The following CDH18 variants were observed in gnomAD, a reference collection of about 807,000 sequenced individuals.
CDH18 encodes the protein cadherin-18.
Under a neutral mutation model 67.9 loss-of-function variants are expected in CDH18, and 31 were observed. The ratio of observed to expected loss-of-function variants is 0.46; its 90% confidence interval spans 0.34 to 0.62. The LOEUF is 0.62. Among genes scored for constraint, CDH18 ranks in the 20% least tolerant of loss-of-function variants. The pLI is 0.01. For synonymous variants in CDH18, 362 were observed against 347.2 expected, an observed-to-expected ratio of 1.04 and a Z score of -0.48; for missense variants, 890 against 975.5, an observed-to-expected ratio of 0.91 and a Z score of 1.17.
At chr5:19,948,896 A>C (rs1795522119) in intron 2 of CDH18, among the ~76,000 whole-genome samples, 1 of 152,202 alleles carries the variant, frequency 6.6e-6, no homozygotes, top group Non-Finnish European at 1.5e-5. Context: ...AACTCAAGCA[A>C]GTTAAGGAAA....
At position 20,480,413 on chromosome 5, in the gene CDH18, C is replaced by CTTTTTG. The variant is rs558444865; in HGVS notation, c.-580+95043_-580+95048dup. Among the ~76,000 whole-genome samples, 1,325 of 151,902 alleles carry CTTTTTG rather than the reference C, an allele frequency of 8.7e-3. 8 individuals carry two copies. The highest frequency in any genetic ancestry group is 0.016 in the Non-Finnish European group (1,057 of 67,894). ...GAGGAATTATGCTAAAGTGTAGAGT[C>CTTTTTG]TTTTTGTTTTTGTTTTTGTTTTTTG... On this transcript the variant is annotated intron_variant, in intron 1 of 14. Coordinates refer to the CDH18 transcript ENST00000507958.
intron 7 of CDH18, among the ~76,000 whole-genome samples, chr5:19,573,860 C>A (rs1332837218): frequency 2.0e-5 from 3 of 152,076 alleles, no homozygotes; most frequent in African/African-American, 7.2e-5. Flanking sequence ...AGTTTTAGAT[C>A]AATGTCTATA....
Position 19,689,294 on chromosome 5 carries a change from T to C in CDH18, c.643+32053A>G, listed in dbSNP as rs949371863. 9.9e-5 allele frequency among the ~76,000 whole-genome samples: 15 copies of C among 152,124 alleles called. 1 individual carries two copies. The South Asian group carries it at 1.9e-3, about 19-fold the overall frequency. On this transcript the variant is annotated intron_variant, in intron 5 of 12. Transcript: ENST00000382275. ...ACAAAGAGCAGGGTGTCTTGTTATA[T>C]GTAAGAGAACTCTCAGCAGATTGGC... is the stretch of plus-strand genomic sequence containing the variant.
intron 1 of CDH18, among the ~76,000 whole-genome samples, chr5:20,509,001 G>A (rs975997667): frequency 6.6e-6 from 1 of 151,990 alleles, no homozygotes; most frequent in African/African-American, 2.4e-5. Flanking sequence ...TATTGTGTAA[G>A]ACATAACATT....
At chr5:20,096,040 T>G (rs535845213) in intron 2 of CDH18, among the ~76,000 whole-genome samples, 123 of 152,106 alleles carry the variant, frequency 8.1e-4, no homozygotes, top group African/African-American at 2.9e-3. Flanking sequence ...TATGTTACAT[T>G]AGAATCAAAG....
intron 2 of CDH18, among the ~76,000 whole-genome samples, chr5:19,852,522 G>C (rs1783823013): frequency 6.6e-6 from 1 of 152,008 alleles, no homozygotes; most frequent in African/African-American, 2.4e-5. Flanking sequence ...CATCCAAAGA[G>C]AAAGTCATGA....
chr5:20,055,638 ACT>A (rs1741832550), intron 2 of CDH18, among the ~76,000 whole-genome samples: 1 of 152,276 alleles, frequency 6.6e-6, no homozygotes, highest in South Asian at 2.1e-4. Context: ...CTTTCAGGAA[ACT>A]CTGCTTTATT....
intron 2 of CDH18, among the ~76,000 whole-genome samples, chr5:19,999,273 A>G (rs1736253119): frequency 6.6e-6 from 1 of 152,018 alleles, no homozygotes; most frequent in South Asian, 2.1e-4. Context: ...ACACACACAT[A>G]TACACATAAC....
intron 9 of CDH18, among the ~76,000 whole-genome samples, chr5:19,524,900 C>G (rs1381359327): frequency 6.6e-6 from 1 of 152,142 alleles, no homozygotes; most frequent in Non-Finnish European, 1.5e-5. Context: ...CGCCCGCCAC[C>G]ACGCCCGGCT....
At chr5:20,489,774 G>C (rs1324380017) in intron 1 of CDH18, among the ~76,000 whole-genome samples, 2 of 151,834 alleles carry the variant, frequency 1.3e-5, no homozygotes, top group East Asian at 3.9e-4. Context: ...TTCAAACATT[G>C]AAGTTCTGTA....
chr5:19,885,449 G>C (rs984716155), intron 2 of CDH18, among the ~76,000 whole-genome samples: 1 of 152,114 alleles, frequency 6.6e-6, no homozygotes, highest in Non-Finnish European at 1.5e-5. Flanking sequence ...TAATTCATTA[G>C]GTTTTATATT....
intron 5 of CDH18, among the ~76,000 whole-genome samples, chr5:19,674,493 T>C (rs1040556635): frequency 6.6e-6 from 1 of 152,122 alleles, no homozygotes; most frequent in African/African-American, 2.4e-5. Flanking sequence ...TTATTATTTG[T>C]ACCTGCTTGT....
chr5:19,612,860 G>A (rs573816167), intron 5 of CDH18, among the ~76,000 whole-genome samples: 3 of 152,060 alleles, frequency 2.0e-5, no homozygotes, highest in Non-Finnish European at 4.4e-5. Context: ...TGGTCCCTCG[G>A]CCGGATGCGG....
chr5:20,296,818 T>C (rs1747576544), intron 1 of CDH18, among the ~76,000 whole-genome samples: 1 of 151,818 alleles, frequency 6.6e-6, no homozygotes, highest in South Asian at 2.1e-4. Flanking sequence ...TTTGAAAAAA[T>C]AATATTACTA....
chr5:20,074,255 A>G (rs1284722385), intron 2 of CDH18, among the ~76,000 whole-genome samples: 1 of 152,128 alleles, frequency 6.6e-6, no homozygotes, highest in African/African-American at 2.4e-5. Flanking sequence ...CGTAATATCT[A>G]AGTTCTTCTG....
At chr5:20,084,757 A>G (rs545737778) in intron 2 of CDH18, among the ~76,000 whole-genome samples, 20 of 152,312 alleles carry the variant, frequency 1.3e-4, no homozygotes, top group African/African-American at 4.8e-4. Flanking sequence ...TGAGGCTTGC[A>G]TTCTCTGAAG....
At chr5:20,335,178 T>C (rs139515714) in intron 1 of CDH18, among the ~76,000 whole-genome samples, 35 of 152,198 alleles carry the variant, frequency 2.3e-4, no homozygotes, top group African/African-American at 8.4e-4. Context: ...TGCTTGATGC[T>C]TCATCACTCT....
intron 7 of CDH18, among the ~76,000 whole-genome samples, chr5:19,572,115 G>A (rs980558487): frequency 6.6e-6 from 1 of 152,150 alleles, no homozygotes; most frequent in Non-Finnish European, 1.5e-5. Flanking sequence ...AATGTGTGAG[G>A]ACTGCTAGGT....
intron 10 of CDH18, among the ~76,000 whole-genome samples, chr5:19,505,249 T>C (rs149933019): frequency 1.2e-3 from 188 of 152,184 alleles, no homozygotes; most frequent in African/African-American, 4.2e-3. Context: ...GATATACAAT[T>C]ATGTCATCTG....
Sources: gnomAD v4.1 joint callset for allele counts (sites outside exome capture counted in the v4.1 genomes callset) on GRCh38, gnomAD v4.1.1 for gene constraint, MANE v1.5 for transcripts, NCBI Gene and HGNC (gene_info 2026-07-23, HGNC 2026-07-21) for gene names.